The following SCMH1 variants were observed in gnomAD, a reference collection of about 807,000 sequenced individuals.
SCMH1 encodes the protein polycomb protein SCMH1.
SCMH1 carries 37 observed loss-of-function variants against 70.8 expected under a neutral mutation model. That is an observed-to-expected ratio of 0.52 (90% CI 0.40 to 0.69). SCMH1 has a LOEUF of 0.69. Ranked by LOEUF, SCMH1 falls within the 30% of genes least tolerant of loss-of-function variation. SCMH1 has a pLI of 0.00. For synonymous variants in SCMH1, 292 were observed against 307.4 expected (o/e 0.95, Z 0.52); for missense variants, 607 against 827.3 (o/e 0.73, Z 3.27).
In SCMH1 at chr1:41,030,465, A is replaced by G. The variant is rs553752795; in HGVS notation, c.1679-1739T>C. The stretch of plus-strand genomic sequence containing the variant: ...CACTAGCCTTCTTTCTGCTTCTTGA[A>G]TAAGTCAAGCATTTATCCTCTGACA... On this transcript the variant is annotated intron_variant, in intron 13 of 14. Coordinates refer to ENST00000337495, the Ensembl canonical transcript of SCMH1. Among the ~76,000 whole-genome samples, 10 of 152,272 alleles carry G rather than the reference A, an allele frequency of 6.6e-5. No individual in the cohort carries two copies. The East Asian group carries it at 1.4e-3, about 21-fold the overall frequency.
intron 2 of SCMH1, chr1:41,162,785 A>G (rs1008274476): frequency 1.3e-5 from 2 of 152,212 alleles, no homozygotes; most frequent in Non-Finnish European, 2.9e-5. Flanking sequence ...CTACCTGCAG[A>G]GAGGAGCTAT....
intron 6 of SCMH1, among the ~76,000 whole-genome samples, chr1:41,120,607 C>T (rs939535789): frequency 3.3e-5 from 5 of 152,080 alleles, no homozygotes; most frequent in East Asian, 1.9e-4. Context: ...TTCCTCAATC[C>T]GCTAGGTGAT....
At chr1:41,211,970 A>G (rs1657127713) in intron 1 of SCMH1, among the ~76,000 whole-genome samples, 1 of 152,154 alleles carries the variant, frequency 6.6e-6, no homozygotes, top group African/African-American at 2.4e-5. Context: ...GAACAATGAG[A>G]ACACTTGGAT....
intron 4 of SCMH1, among the ~76,000 whole-genome samples, chr1:41,153,011 T>C: frequency 6.6e-6 from 1 of 152,260 alleles, no homozygotes; most frequent in East Asian, 1.9e-4. Flanking sequence ...AAAGGCGTTA[T>C]CAGAATTTAA....
At chr1:41,233,480 G>A (rs1051435782) in intron 1 of SCMH1, among the ~76,000 whole-genome samples, 3 of 151,982 alleles carry the variant, frequency 2.0e-5, no homozygotes, top group Non-Finnish European at 4.4e-5. Flanking sequence ...AAAGTCTTTC[G>A]ATCATGTTAA....
At chr1:41,222,987 C>T (rs925315886) in intron 1 of SCMH1, among the ~76,000 whole-genome samples, 1 of 152,058 alleles carries the variant, frequency 6.6e-6, no homozygotes, top group Non-Finnish European at 1.5e-5. Context: ...ATTTATTTGT[C>T]TGATTCCTCT....
chr1:41,236,155 G>C (rs1662335358), intron 1 of SCMH1, among the ~76,000 whole-genome samples: 1 of 152,176 alleles, frequency 6.6e-6, no homozygotes, highest in Admixed American at 6.5e-5. Context: ...AATAGATATT[G>C]TATAAGAATA....
intron 4 of SCMH1, among the ~76,000 whole-genome samples, chr1:41,158,646 C>G (rs1035312698): frequency 6.6e-6 from 1 of 152,078 alleles, no homozygotes; most frequent in African/African-American, 2.4e-5. Flanking sequence ...CAGTCATTAG[C>G]GAGCCAAATA....
intron 5 of SCMH1, among the ~76,000 whole-genome samples, chr1:41,149,639 T>C (rs568626099): frequency 6.6e-6 from 1 of 152,330 alleles, no homozygotes; most frequent in South Asian, 2.1e-4. Context: ...AAGTTATTTG[T>C]GAAGTAGTTT....
intron 10 of SCMH1, among the ~76,000 whole-genome samples, chr1:41,051,694 A>G (rs1172966212): frequency 6.6e-6 from 1 of 152,190 alleles, no homozygotes; most frequent in Non-Finnish European, 1.5e-5. Context: ...TACAGAATAA[A>G]GATAAAAATA....
chr1:41,167,119 T>C (rs1251457321), intron 2 of SCMH1, among the ~76,000 whole-genome samples: 8 of 152,158 alleles, frequency 5.3e-5, no homozygotes, highest in Admixed American at 2.6e-4. Flanking sequence ...TTTTGTCCTT[T>C]ATTCTGTTAC....
At chr1:41,059,051 C>CT (rs1475167233) in intron 10 of SCMH1, among the ~76,000 whole-genome samples, 70 of 152,154 alleles carry the variant, frequency 4.6e-4, no homozygotes, top group Non-Finnish European at 1.3e-4. Flanking sequence ...ATGCCTGAGG[C>CT]TTTTTACCTT....
chr1:41,180,481 T>C (rs1300802363), intron 2 of SCMH1, among the ~76,000 whole-genome samples: 2 of 151,830 alleles, frequency 1.3e-5, no homozygotes, highest in Admixed American at 6.6e-5. Flanking sequence ...GTTAAGCTGA[T>C]AGGCAACTTC....
chr1:41,043,397 T>C (rs920663296), intron 12 of SCMH1: 3 of 150,908 alleles, frequency 2.0e-5, no homozygotes, highest in Non-Finnish European at 2.9e-5. Flanking sequence ...CCTGGCCTAG[T>C]AGTATTTTAT....
chr1:41,210,189 C>G (rs1656660238), intron 1 of SCMH1, among the ~76,000 whole-genome samples: 1 of 152,178 alleles, frequency 6.6e-6, no homozygotes, highest in Admixed American at 6.5e-5. Context: ...CTACAAACCA[C>G]TGCTCAATGA....
At chr1:41,035,663 C>T (rs1645195583) in intron 13 of SCMH1, among the ~76,000 whole-genome samples, 2 of 152,154 alleles carry the variant, frequency 1.3e-5, no homozygotes, top group African/African-American at 2.4e-5. Context: ...CTCCTGAAGC[C>T]TAACTTTCTC....
rs151200818 is a variant in SCMH1, at chr1:41,050,093, G to A, written c.1106-1203C>T. On this transcript the variant is annotated intron_variant, in intron 10 of 14. Coordinates refer to ENST00000337495, the Ensembl canonical transcript of SCMH1. Reference sequence around the variant, plus strand: ...GAAAAGAGCTTGAGGGTCCCAAGACGGCTAAGCACTCTCCTAGCTACTGGC... The same window carrying A: ...GAAAAGAGCTTGAGGGTCCCAAGACAGCTAAGCACTCTCCTAGCTACTGGC... Among the ~76,000 whole-genome samples, 947 of 152,130 alleles carry A rather than the reference G, an allele frequency of 6.2e-3. 15 individuals are homozygous for A. The highest frequency in any genetic ancestry group is 0.022 in the African/African-American group (906 of 41,508).
intron 6 of SCMH1, among the ~76,000 whole-genome samples, chr1:41,124,098 G>A (rs1410670078): frequency 6.6e-6 from 1 of 151,864 alleles, no homozygotes; most frequent in Non-Finnish European, 1.5e-5. Context: ...TAAACCTAGA[G>A]AAAATAGCAA....
chr1:41,075,500 C>T (rs1252775260), intron 8 of SCMH1, 49 bp from the exon 9 acceptor site: 1 of 1,500,528 alleles, frequency 6.7e-7, no homozygotes, highest in Non-Finnish European at 9.2e-7. Context: ...CCTGCATTCT[C>T]ATCCCAGCCA....
Sources: allele counts gnomAD v4.1 joint callset (sites outside exome capture counted in the v4.1 genomes callset), GRCh38; gene constraint gnomAD v4.1.1; transcripts MANE v1.5; gene names NCBI Gene and HGNC (gene_info 2026-07-23, HGNC 2026-07-21).